The following ZDHHC23 variants were observed in gnomAD, a reference collection of about 807,000 sequenced individuals.
ZDHHC23 encodes zDHHC palmitoyltransferase 23.
ZDHHC23 carries 41 observed loss-of-function variants against 40.2 expected under a neutral mutation model. The observed-to-expected ratio is 1.02, with a 90% CI of 0.79 to 1.32. The LOEUF (loss-of-function observed/expected upper bound fraction) is 1.32. Ranked by LOEUF, ZDHHC23 falls within the 40% of genes most tolerant of loss-of-function variation. ZDHHC23 has a pLI of 0.00. For missense variants in ZDHHC23, 471 were observed against 541.5 expected (o/e 0.87, Z 1.29); for synonymous variants, 204 against 210.2 (o/e 0.97, Z 0.26).
the ZDHHC23 span, among the ~76,000 whole-genome samples, chr3:113,973,902 C>A: frequency 2.0e-5 from 3 of 151,440 alleles, no homozygotes; most frequent in African/African-American, 7.3e-5. Flanking sequence ...AGTCCCCCTT[C>A]AACACCAGTA....
rs1184307750 is a variant in ZDHHC23, at chr3:113,948,123, C to T, written c.-185C>T. Reference sequence around the variant, plus strand: ...CAGAGATCGGGAGACGCGTCTGTGCCTCCGGGGAAGCCGACCCATCTCCCC... The same window carrying T: ...CAGAGATCGGGAGACGCGTCTGTGCTTCCGGGGAAGCCGACCCATCTCCCC... On this transcript the variant is annotated 5_prime_UTR_variant, in exon 1 of 5. Coordinates refer to ENST00000638807, the MANE Select transcript of ZDHHC23 (RefSeq NM_001320466.2). 3 of 152,198 alleles carry T rather than the reference C, an allele frequency of 2.0e-5. No homozygotes were observed. The highest frequency in any genetic ancestry group is 6.5e-5 in the Admixed American group (1 of 15,288). 9.4% of individuals were successfully genotyped at this position (152,198 alleles called of 1,614,324 possible).
rs905873291 is a variant in ZDHHC23, at chr3:113,959,161, G to A, written c.*531G>A. ...AACTCAAGAGCCATGGAAATACAAA[G>A]TATTAGGAAAATATTATGATGGAAG... On this transcript the variant is annotated 3_prime_UTR_variant, in exon 5 of 5. Transcript: ENST00000638807. 6.6e-6 allele frequency: 7 copies of A among 1,062,538 alleles called. No individual in the cohort carries two copies. Among genetic ancestry groups the A allele is most frequent in the African/African-American group, 1.6e-5 (1 of 60,792 alleles). 65.8% of individuals were successfully genotyped at this position (1,062,538 alleles called of 1,614,324 possible).
At chr3:113,969,268 A>G (rs560567002), downstream of ZDHHC23, among the ~76,000 whole-genome samples, 7 of 152,304 alleles carry the variant, frequency 4.6e-5, no homozygotes, top group East Asian at 1.2e-3. Context: ...CTATACAGAC[A>G]GTTTGCAAAT....
downstream of ZDHHC23, among the ~76,000 whole-genome samples, chr3:113,963,896 A>G (rs775208685): frequency 1.3e-5 from 2 of 151,452 alleles, no homozygotes; most frequent in Non-Finnish European, 2.9e-5. Context: ...ACTTTTAGTT[A>G]CATTTTCTTT....
chr3:113,957,171 C>T (rs541994963), intron 4 of ZDHHC23, among the ~76,000 whole-genome samples: 59 of 152,300 alleles, frequency 3.9e-4, no homozygotes, highest in African/African-American at 1.4e-3. Context: ...AATGCTGGGG[C>T]CCCCCTCTGC....
the ZDHHC23 span, among the ~76,000 whole-genome samples, chr3:113,979,261 G>A: frequency 1.3e-5 from 2 of 152,156 alleles, no homozygotes; most frequent in South Asian, 2.1e-4. Flanking sequence ...TTATGGAAAT[G>A]GAACAACCAA....
Position 113,959,408 on chromosome 3 carries a change from C to A in ZDHHC23, c.*778C>A. The A allele has an allele frequency of 8.3e-7, 1 of 1,203,056 alleles. No individual in the cohort carries two copies. The highest frequency in any genetic ancestry group is 1.5e-5 in the South Asian group (1 of 68,012). The allele number at this position is 1,203,056 out of a possible 1,614,324, so 74.5% of individuals were successfully genotyped here. A position where few individuals can be genotyped will look rare whatever the true frequency, so the allele number is the denominator to read the frequency against. ...TATTGCTAGTGTAATGTAGTGTGGC[C>A]ATGAGTTTAGGTGATGAGTTCTTCT... On this transcript the variant is annotated 3_prime_UTR_variant, in exon 5 of 5. Coordinates refer to ENST00000638807, the MANE Select transcript of ZDHHC23 (RefSeq NM_001320466.2).
intron 2 of ZDHHC23, among the ~76,000 whole-genome samples, chr3:113,952,688 T>C (rs1938791354): frequency 3.3e-5 from 5 of 152,238 alleles, no homozygotes; most frequent in Admixed American, 3.3e-4. Context: ...CTGGGTAATT[T>C]ATAAACAACA....
chr3:113,954,084 C>G lies in ZDHHC23; in HGVS notation c.546C>G (p.Leu182=). The G allele has an allele frequency of 6.2e-7, 1 of 1,614,220 alleles. No homozygotes were observed. The highest frequency in any genetic ancestry group is 1.3e-5 in the African/African-American group (1 of 75,044). ...TTACCTGCGGGTTATTTCTGATACT[C>G]TTAGCCTTGCACAGAGCCAAGAAGA... The part of the protein sequence containing the change: ...AVLTCGLFLI[L]LALHRAKKNP... The change falls in exon 3 of 5, where the codon CTC becomes CTG. Residue 182 remains leucine, a synonymous_variant. Transcript: ENST00000638807.
At chr3:113,969,048 A>C (rs1281793962), downstream of ZDHHC23, among the ~76,000 whole-genome samples, 2 of 152,142 alleles carry the variant, frequency 1.3e-5, no homozygotes, top group East Asian at 1.9e-4. Context: ...AGGAAAGCAA[A>C]GAAAAAGGGG....
chr3:113,957,122 T>C (rs985288216), intron 4 of ZDHHC23, among the ~76,000 whole-genome samples: 30 of 152,212 alleles, frequency 2.0e-4, no homozygotes, highest in African/African-American at 7.2e-4. Flanking sequence ...ATGGCAAAAT[T>C]TGGGATTCTT....
chr3:113,956,338 G>A lies in ZDHHC23; in HGVS notation c.873-1G>A, dbSNP rs1559847507. 1.2e-6 allele frequency: 2 copies of A among 1,613,106 alleles called. No individual in the cohort carries two copies. The highest frequency in any genetic ancestry group is 1.7e-6 in the Non-Finnish European group (2 of 1,179,726). On this transcript the variant is annotated splice_acceptor_variant, in intron 3 of 4. Transcript: ENST00000638807. LOFTEE classifies it high-confidence loss of function. The stretch of plus-strand genomic sequence containing the variant: ...TTTTTATTTCTCTATGCTGTTTTGA[G>A]GATAAATAGCTGCGTTGGAGAATCA...
downstream of ZDHHC23, chr3:113,964,440 A>C (rs773788738): frequency 5.3e-5 from 8 of 152,236 alleles, no homozygotes; most frequent in Non-Finnish European, 8.8e-5. Context: ...GCTGAGTACT[A>C]GAAGACAAAC....
At chr3:113,970,695 T>G in the ZDHHC23 span, among the ~76,000 whole-genome samples, 1 of 152,140 alleles carries the variant, frequency 6.6e-6, no homozygotes, top group Non-Finnish European at 1.5e-5. Context: ...ATTAGGTATA[T>G]CTCCTAATGC....
rs922753203 is a variant in ZDHHC23 at position 113,959,204 on chromosome 3, A to T, written c.*574A>T. On this transcript the variant is annotated 3_prime_UTR_variant, in exon 5 of 5. Coordinates refer to ENST00000638807, the MANE Select transcript of ZDHHC23 (RefSeq NM_001320466.2). ...GATGGAAGAAAAACGTTTATAGTCT[A>T]GAATATTGAAGCCAATATTATTAGG... 3.7e-6 allele frequency: 4 copies of T among 1,069,308 alleles called. No individual in the cohort carries two copies. In the Admixed American group the frequency reaches 1.8e-4, roughly 48 times the overall value. 66.2% of individuals were successfully genotyped at this position (1,069,308 alleles called of 1,614,324 possible).
At chr3:113,948,996 A>T (rs1227796343) in intron 2 of ZDHHC23, 33 bp downstream of exon 2, 1 of 1,612,338 alleles carries the variant, frequency 6.2e-7, no homozygotes, top group African/African-American at 1.3e-5. Context: ...CGCTGGCCCC[A>T]TCACCCTTCT....
chr3:113,979,138 T>C, the ZDHHC23 span: 2 of 815,594 alleles, frequency 2.5e-6, no homozygotes, highest in Admixed American at 2.4e-5. Flanking sequence ...TGAAGGTACA[T>C]GCAGCCTGTG....
Position 113,959,385 on chromosome 3 carries a change from T to C in ZDHHC23, c.*755T>C. On this transcript the variant is annotated 3_prime_UTR_variant, in exon 5 of 5. Transcript: ENST00000638807. ...TTGACAACAGTTATAAAGATAATTA[T>C]TGCTAGTGTAATGTAGTGTGGCCAT... is the stretch of plus-strand genomic sequence containing the variant. The C allele has an allele frequency of 8.7e-7, 1 of 1,146,766 alleles. No individual in the cohort carries two copies. Among genetic ancestry groups the C allele is most frequent in the Non-Finnish European group, 1.1e-6 (1 of 906,496 alleles). The allele number at this position is 1,146,766 out of a possible 1,614,324, so 71.0% of individuals were successfully genotyped here.
chr3:113,957,972 C>G, intron 4 of ZDHHC23: 1 of 371,666 alleles, frequency 2.7e-6, no homozygotes, highest in South Asian at 2.1e-5. Context: ...CTGCAGCTTC[C>G]TAGAAGACAT....
Sources: gnomAD v4.1 joint callset for allele counts (sites outside exome capture counted in the v4.1 genomes callset) on GRCh38, gnomAD v4.1.1 for gene constraint, MANE v1.5 for transcripts, NCBI Gene and HGNC (gene_info 2026-07-23, HGNC 2026-07-21) for gene names.